The following NEK11 variants were observed in gnomAD, a reference collection of about 807,000 sequenced individuals.
NEK11 encodes the protein serine/threonine-protein kinase Nek11.
A neutral mutation model predicts 80.7 loss-of-function variants in NEK11; 72 were observed. The observed-to-expected ratio is 0.89, with a 90% CI of 0.74 to 1.08. The LOEUF is 1.08. Ranked by LOEUF, NEK11 falls within the 50% of genes least tolerant of loss-of-function variation. The pLI is 0.00. For missense variants in NEK11, 764 were observed against 763.6 expected (o/e 1.00, Z -0.01); for synonymous variants, 251 against 260.7 (o/e 0.96, Z 0.36).
chr3:131,271,136 C>T (rs918562385), intron 16 of NEK11, among the ~76,000 whole-genome samples: 1 of 152,110 alleles, frequency 6.6e-6, no homozygotes, highest in Non-Finnish European at 1.5e-5. Flanking sequence ...CAGTGAGGGC[C>T]GAGGCAAATT....
intron 16 of NEK11, among the ~76,000 whole-genome samples, chr3:131,250,058 C>T (rs183757551): frequency 6.6e-5 from 10 of 151,846 alleles, no homozygotes; most frequent in Admixed American, 3.3e-4. Context: ...AAAGTATTAC[C>T]TCTGTGAAGC....
chr3:131,192,779 G>C (rs1001853219), intron 14 of NEK11, among the ~76,000 whole-genome samples: 1 of 152,164 alleles, frequency 6.6e-6, no homozygotes, highest in Non-Finnish European at 1.5e-5. Context: ...TCAGGGTCTT[G>C]GGGGAAGGAA....
intron 17 of NEK11, among the ~76,000 whole-genome samples, chr3:131,280,356 T>C (rs1320434050): frequency 6.6e-6 from 1 of 151,182 alleles, no homozygotes; most frequent in Non-Finnish European, 1.5e-5. Context: ...CACAGCTTAC[T>C]GGTGCTATGC....
At chr3:131,037,475 G>A (rs2065828648) in intron 3 of NEK11, among the ~76,000 whole-genome samples, 1 of 152,050 alleles carries the variant, frequency 6.6e-6, no homozygotes, top group African/African-American at 2.4e-5. Context: ...GTAGAGACAA[G>A]GTTTCACCAT....
intron 4 of NEK11, among the ~76,000 whole-genome samples, chr3:131,103,342 A>C (rs147297921): frequency 1.3e-5 from 2 of 152,274 alleles, no homozygotes; most frequent in Non-Finnish European, 2.9e-5. Flanking sequence ...AGTTGGCTTC[A>C]TTTCTGGATG....
chr3:131,243,123 A>C (rs1561161715), intron 15 of NEK11, among the ~76,000 whole-genome samples: 2 of 152,184 alleles, frequency 1.3e-5, no homozygotes, highest in Non-Finnish European at 2.9e-5. Context: ...ATTATAGATA[A>C]TTTGGAAAAG....
chr3:131,314,145 G>A (rs1184686298), intron 17 of NEK11, among the ~76,000 whole-genome samples: 4 of 151,982 alleles, frequency 2.6e-5, no homozygotes, highest in African/African-American at 4.8e-5. Flanking sequence ...GTGTGTGTGT[G>A]TGTGTGTGTC....
intron 4 of NEK11, among the ~76,000 whole-genome samples, chr3:131,096,454 T>C (rs764133768): frequency 6.6e-6 from 1 of 152,182 alleles, no homozygotes; most frequent in Non-Finnish European, 1.5e-5. Context: ...TGATTCCATG[T>C]CTTTGCTGTT....
intron 3 of NEK11, among the ~76,000 whole-genome samples, chr3:131,076,418 A>G (rs868788777): frequency 6.6e-6 from 1 of 152,190 alleles, no homozygotes; most frequent in Non-Finnish European, 1.5e-5. Context: ...AAATTTTTCT[A>G]TAATGAAACT....
intron 17 of NEK11, among the ~76,000 whole-genome samples, chr3:131,283,516 C>CTG (rs4044351): frequency 0.17 from 24,419 of 147,192 alleles, 2,027 homozygotes; most frequent in Admixed American, 0.22. Flanking sequence ...CAGGCTATTA[C>CTG]TGTGTGTGTG....
chr3:131,307,302 A>G (rs1334494705), intron 17 of NEK11, among the ~76,000 whole-genome samples: 1 of 152,218 alleles, frequency 6.6e-6, no homozygotes, highest in Non-Finnish European at 1.5e-5. Flanking sequence ...TGCAGAGAAT[A>G]GTGCTTACTG....
chr3:131,236,649 T>C (rs1285245021), intron 15 of NEK11, among the ~76,000 whole-genome samples: 2 of 152,172 alleles, frequency 1.3e-5, no homozygotes, highest in Non-Finnish European at 1.5e-5. Context: ...ATGGGAGCTG[T>C]GGGGGCTTGT....
At chr3:131,161,784 C>T (rs187232077) in intron 10 of NEK11, among the ~76,000 whole-genome samples, 3 of 152,274 alleles carry the variant, frequency 2.0e-5, no homozygotes, top group Admixed American at 2.0e-4. Context: ...ACCCCTATCA[C>T]TTGAGTTTAC....
At chr3:131,160,302 A>G (rs2091361952) in intron 10 of NEK11, among the ~76,000 whole-genome samples, 1 of 152,186 alleles carries the variant, frequency 6.6e-6, no homozygotes, top group Non-Finnish European at 1.5e-5. Flanking sequence ...AGAAATTCCA[A>G]CCAAGAATTT....
chr3:131,331,098 A>G (rs1296757747), intron 17 of NEK11, among the ~76,000 whole-genome samples: 3 of 152,192 alleles, frequency 2.0e-5, no homozygotes, highest in Non-Finnish European at 4.4e-5. Context: ...CCAACACATG[A>G]ACCTTGGGGG....
chr3:131,164,291 T>A (rs968401717), intron 11 of NEK11, among the ~76,000 whole-genome samples: 2 of 152,230 alleles, frequency 1.3e-5, no homozygotes, highest in African/African-American at 4.8e-5. Context: ...AATATCAAGC[T>A]AACAATATGA....
intron 16 of NEK11, among the ~76,000 whole-genome samples, chr3:131,264,138 A>C (rs2095996572): frequency 6.6e-6 from 1 of 152,148 alleles, no homozygotes; most frequent in Non-Finnish European, 1.5e-5. Flanking sequence ...AGTAGATTGT[A>C]AAAATTTTCT....
intron 7 of NEK11, 23 bp from the exon 8 acceptor site, chr3:131,152,365 A>G (rs190113760): frequency 2.6e-6 from 4 of 1,568,488 alleles, no homozygotes; most frequent in Non-Finnish European, 3.5e-6. Flanking sequence ...TTCCTTATTT[A>G]AATTCTTTGA....
chr3:131,344,767 G>C (rs2097336562), intron 17 of NEK11, among the ~76,000 whole-genome samples: 1 of 152,142 alleles, frequency 6.6e-6, no homozygotes, highest in Non-Finnish European at 1.5e-5. Context: ...AAAAGCAAGA[G>C]AGAGAGTGGG....
Sources: allele counts gnomAD v4.1 joint callset (sites outside exome capture counted in the v4.1 genomes callset), GRCh38; gene constraint gnomAD v4.1.1; transcripts MANE v1.5; gene names NCBI Gene and HGNC (gene_info 2026-07-23, HGNC 2026-07-21).